The following TNFAIP3 variants were observed in gnomAD, a reference collection of about 807,000 sequenced individuals.
The protein encoded by TNFAIP3 is TNF alpha induced protein 3.
Under a neutral mutation model 72.4 loss-of-function variants are expected in TNFAIP3, and 9 were observed. That is an observed-to-expected ratio of 0.12 (90% CI 0.07 to 0.22). The LOEUF is 0.22. Among genes scored for constraint, TNFAIP3 ranks in the 10% least tolerant of loss-of-function variants. The pLI, the probability that TNFAIP3 is intolerant of heterozygous loss-of-function variation, is 1.00. For synonymous variants in TNFAIP3, 339 were observed against 372.6 expected (o/e 0.91, Z 1.04); for missense variants, 833 against 1,018.7 (o/e 0.82, Z 2.48).
rs138068339 is a variant in TNFAIP3 at position 137,881,200 on chromosome 6, C to T, written c.2254C>T (p.Pro752Ser). 150 of 1,613,292 alleles carry T rather than the reference C, an allele frequency of 9.3e-5. No individual in the cohort carries two copies. In the African/African-American group the frequency reaches 1.9e-3, roughly 21 times the overall value. ...RMGPGAHRGE[P>S]APEDPPKQRC... Reference sequence around the variant, plus strand: ...GGGCCCTGGGGCCCACCGGGGTGAGCCTGCCCCCGAAGACCCCCCCAAGCA... The same window carrying T: ...GGGCCCTGGGGCCCACCGGGGTGAGTCTGCCCCCGAAGACCCCCCCAAGCA... Residue 752 changes from proline to serine, a missense_variant, in exon 9 of 9, where the codon CCT (proline) becomes TCT (serine). Pro to Ser is a moderately conservative substitution (Grantham distance 74). This residue lies in a region of TNFAIP3 where 587 missense variants were observed against 657.8 expected (regional missense o/e 0.89). Coordinates refer to ENST00000612899, the MANE Select transcript of TNFAIP3 (RefSeq NM_001270508.2). This position sits in a 1 kb window ranked among gnomAD's most constrained non-coding sequence, Gnocchi z 5.0.
intron 1 of TNFAIP3, among the ~76,000 whole-genome samples, chr6:137,870,269 A>G (rs987044981): frequency 1.3e-5 from 2 of 152,118 alleles, no homozygotes; most frequent in Non-Finnish European, 2.9e-5. Context: ...TTATTGTTCT[A>G]TTATTATTTT....
At chr6:137,875,911 C>T (rs1776229942) in intron 4 of TNFAIP3, 76 bp downstream of exon 4, 12 of 1,601,958 alleles carry the variant, frequency 7.5e-6, no homozygotes, top group South Asian at 2.2e-5. Context: ...GAAAACCACA[C>T]TGCCAAAGTT....
At position 137,871,496 on chromosome 6, in the gene TNFAIP3, G is replaced by A. The variant is rs1422450549; in HGVS notation, c.269G>A (p.Arg90Gln). The A allele has an allele frequency of 5.0e-6, 8 of 1,613,972 alleles. No homozygotes were observed. The highest frequency in any genetic ancestry group is 3.3e-4 in the Middle Eastern group (2 of 6,084). ...AAACTCAACTGGTGTCGAGAAGTCC[G>A]GAAGCTTGTGGCGCTGAAAACGAAC... ...QKKLNWCREV[R>Q]KLVALKTNGD... is the part of the protein sequence containing the mutation. The change falls in exon 2 of 9, where the codon CGG (arginine) becomes CAG (glutamine). Residue 90 changes from arginine (R) to glutamine (Q), a missense_variant. By Grantham distance (43) the Arg-to-Gln change is conservative. Transcript: ENST00000612899. This position sits in a 1 kb window ranked among gnomAD's most constrained non-coding sequence, Gnocchi z 4.2.
chr6:137,872,629 C>T (rs763277599), intron 2 of TNFAIP3, among the ~76,000 whole-genome samples: 3 of 152,020 alleles, frequency 2.0e-5, no homozygotes, highest in African/African-American at 7.3e-5. Context: ...TGTACATTAC[C>T]CCAACGTCTT....
chr6:137,875,651 A>T (rs893707432), intron 3 of TNFAIP3, 37 bp from the exon 4 acceptor site: 7 of 1,612,424 alleles, frequency 4.3e-6, no homozygotes, highest in East Asian at 2.2e-5. Flanking sequence ...GGAGTACAGG[A>T]TACATTCAAG....
At chr6:137,880,897 T>C (rs896707151) in intron 8 of TNFAIP3, 138 bp from the exon 9 acceptor site, 4 of 874,382 alleles carry the variant, frequency 4.6e-6, no homozygotes, top group Non-Finnish European at 6.9e-6. Context: ...ACTGCAATGC[T>C]CTCCTGTTCC....
In TNFAIP3 at chr6:137,871,557, GTGATAGCTCCCGCCTGCTGGA is replaced by G; in HGVS notation, c.295+37_295+57del. The G allele has an allele frequency of 6.2e-7, 1 of 1,601,534 alleles. No homozygotes were observed. The highest frequency in any genetic ancestry group is 8.5e-7 in the Non-Finnish European group (1 of 1,172,708). ...GTTCTGTTGTGTTTCTTTTGCCTGG[GTGATAGCTCCCGCCTGCTGGA>G]TCCCCATTCATGAAGCTTTAATAGG... On this transcript the variant is annotated intron_variant, in intron 2 of 8. Coordinates refer to ENST00000612899, the MANE Select transcript of TNFAIP3 (RefSeq NM_001270508.2). This position sits in a 1 kb window ranked among gnomAD's most constrained non-coding sequence, Gnocchi z 4.2.
rs1342293957 is a variant in TNFAIP3, at chr6:137,871,892, A to G, written c.295+370A>G. Reference sequence around the variant, plus strand: ...AAAGCCTTTAAGTTCAAAAGGAAAGAATGGTGTGAAAACTGGTAGTACATT... The same window carrying G: ...AAAGCCTTTAAGTTCAAAAGGAAAGGATGGTGTGAAAACTGGTAGTACATT... On this transcript the variant is annotated intron_variant, in intron 2 of 8. Transcript: ENST00000612899. The surrounding 1 kb of genome is among the most constrained non-coding windows in gnomAD (Gnocchi z 4.2). Among the ~76,000 whole-genome samples the G allele has an allele frequency of 6.6e-6, 1 of 152,210 alleles. No homozygotes were observed. The highest frequency in any genetic ancestry group is 2.4e-5 in the African/African-American group (1 of 41,450).
At chr6:137,866,441 C>A (rs1775838906), upstream of TNFAIP3, 1 of 152,384 alleles carries the variant, frequency 6.6e-6, no homozygotes, top group Non-Finnish European at 1.5e-5. Flanking sequence ...TGGCAAGCAC[C>A]GTGATGGACT....
At position 137,881,039 on chromosome 6, in the gene TNFAIP3, C is replaced by A; in HGVS notation, c.2093C>A (p.Ser698Ter). The change falls in exon 9 of 9, where the codon TCG becomes TAG. Residue 698 changes from serine (S) to a stop codon, truncating the protein, a stop_gained. Coordinates refer to ENST00000612899, the MANE Select transcript of TNFAIP3 (RefSeq NM_001270508.2). LOFTEE classifies it high-confidence loss of function. The surrounding 1 kb of genome is among the most constrained non-coding windows in gnomAD (Gnocchi z 5.0). ...EAKRTEEQLR[S>*]SQRRDVPRTT... Reference sequence around the variant, plus strand: ...CTGCCTGTTCTTTCCACTCAGAGATCGAGCCAGCGCAGAGATGTGCCTCGA... The same window carrying A: ...CTGCCTGTTCTTTCCACTCAGAGATAGAGCCAGCGCAGAGATGTGCCTCGA... The A allele has an allele frequency of 1.3e-6, 2 of 1,589,252 alleles. No homozygotes were observed. The highest frequency in any genetic ancestry group is 1.1e-5 in the South Asian group (1 of 88,884).
Position 137,882,519 on chromosome 6 carries a change from A to G in TNFAIP3, c.*1200A>G. On this transcript the variant is annotated 3_prime_UTR_variant, in exon 9 of 9. Coordinates refer to ENST00000612899, the MANE Select transcript of TNFAIP3 (RefSeq NM_001270508.2). ...AATTGCATCCAAGGTATACATACAT[A>G]TTCATCGATGTTTCGTGCTTCTCCT... is the stretch of plus-strand genomic sequence containing the variant. The G allele has an allele frequency of 4.3e-6, 1 of 232,272 alleles. No homozygotes were observed. The highest frequency in any genetic ancestry group is 2.2e-5 in the African/African-American group (1 of 45,400). 14.4% of individuals were successfully genotyped at this position (232,272 alleles called of 1,614,324 possible).
Position 137,881,525 on chromosome 6 carries a change from G to C in TNFAIP3, c.*206G>C. On this transcript the variant is annotated 3_prime_UTR_variant, in exon 9 of 9. Coordinates refer to ENST00000612899, the MANE Select transcript of TNFAIP3 (RefSeq NM_001270508.2). The surrounding 1 kb of genome is among the most constrained non-coding windows in gnomAD (Gnocchi z 5.0). ...TTCCCAGGTGGCCTTAGAAAGCAAA[G>C]CTTGTAACTGGCAAGGGATGATGTC... 1 of 476,180 alleles carries C rather than the reference G, an allele frequency of 2.1e-6. No individual in the cohort carries two copies. Among genetic ancestry groups the C allele is most frequent in the South Asian group, 4.9e-5 (1 of 20,550 alleles). 29.5% of individuals were successfully genotyped at this position (476,180 alleles called of 1,614,324 possible). A position where few individuals can be genotyped will look rare whatever the true frequency, so the allele number is the denominator to read the frequency against.
rs767263437 is a variant in TNFAIP3 at position 137,879,186 on chromosome 6, A to G, written c.1741A>G (p.Arg581Gly). ...VRSPSPHSCH[R>G]AGNDAPAGCL... Reference sequence around the variant, plus strand: ...GAGCCCCTCCCCGCATTCTTGCCACAGAGCTGGAAACGACGCCCCTGCTGG... The same window carrying G: ...GAGCCCCTCCCCGCATTCTTGCCACGGAGCTGGAAACGACGCCCCTGCTGG... The change falls in exon 7 of 9, where the codon AGA (arginine) becomes GGA (glycine). Residue 581 changes from arginine (R) to glycine (G), a missense_variant. Arg to Gly is a moderately radical substitution (Grantham distance 125). This residue lies in a region of TNFAIP3 where 587 missense variants were observed against 657.8 expected (regional missense o/e 0.89). Coordinates refer to ENST00000612899, the MANE Select transcript of TNFAIP3 (RefSeq NM_001270508.2). The G allele has an allele frequency of 6.7e-5, 108 of 1,613,992 alleles. No homozygotes were observed. Among genetic ancestry groups the G allele is most frequent in the Non-Finnish European group, 8.9e-5 (105 of 1,180,020 alleles).
At chr6:137,876,995 A>G in intron 5 of TNFAIP3, 81 bp from the exon 6 acceptor site, 2 of 1,144,556 alleles carry the variant, frequency 1.7e-6, no homozygotes, top group Non-Finnish European at 2.4e-6. Flanking sequence ...TATCTTTTAT[A>G]CATTTTCAAA....
chr6:137,880,298 C>T lies in TNFAIP3; in HGVS notation c.2088+46C>T, dbSNP rs745363953. 1.9e-6 allele frequency: 3 copies of T among 1,604,616 alleles called. No individual in the cohort carries two copies. The South Asian group carries it at 3.3e-5, about 18-fold the overall frequency. Reference sequence around the variant, plus strand: ...TTCCCTCCCTCCCGTGTGTTCGATGCTTTTTGCTGGAGCGTTTTCTACCGA... The same window carrying T: ...TTCCCTCCCTCCCGTGTGTTCGATGTTTTTTGCTGGAGCGTTTTCTACCGA... On this transcript the variant is annotated intron_variant, in intron 8 of 8. Transcript: ENST00000612899.
intron 2 of TNFAIP3, among the ~76,000 whole-genome samples, chr6:137,872,308 C>T (rs1434588769): frequency 6.6e-6 from 1 of 152,108 alleles, no homozygotes. Context: ...TTCATGCAGG[C>T]ACAAAATTCT....
chr6:137,879,436 T>TA, intron 7 of TNFAIP3, 85 bp downstream of exon 7: 1 of 1,455,644 alleles, frequency 6.9e-7, no homozygotes, highest in Non-Finnish European at 9.2e-7. Context: ...AAAGCCCATG[T>TA]AGGCAGTCAG....
In TNFAIP3 at chr6:137,879,090, T is replaced by TCCAGCCTCAGCA; in HGVS notation, c.1654_1665dup (p.Ser552_Leu555dup). On this transcript the variant is annotated inframe_insertion, in exon 7 of 9. Transcript: ENST00000612899. Reference sequence around the variant, plus strand: ...CAAAAGGACTACAGCAGAGGCCTCCTCCAGCCTCAGCACCAGCCTCCCTCC... The same window carrying TCCAGCCTCAGCA: ...CAAAAGGACTACAGCAGAGGCCTCCTCCAGCCTCAGCACCAGCCTCAGCACCAGCCTCCCTCC... 6.2e-7 allele frequency: 1 copy of TCCAGCCTCAGCA among 1,614,150 alleles called. No individual in the cohort carries two copies. Among genetic ancestry groups the TCCAGCCTCAGCA allele is most frequent in the Non-Finnish European group, 8.5e-7 (1 of 1,180,016 alleles).
chr6:137,866,587 G>C (rs1475602849), upstream of TNFAIP3: 1 of 152,478 alleles, frequency 6.6e-6, no homozygotes, highest in Non-Finnish European at 1.5e-5. Context: ...GTTTACCTAA[G>C]ACTGGGGCCA....
Sources: gnomAD v4.1 joint callset for allele counts (sites outside exome capture counted in the v4.1 genomes callset) on GRCh38, gnomAD v4.1.1 for gene constraint, gnomAD v4.1.1 regional missense constraint, Gnocchi (gnomAD v3.1) non-coding constraint, MANE v1.5 for transcripts, NCBI Gene and HGNC (gene_info 2026-07-23, HGNC 2026-07-21) for gene names.